Variants in PDE8B observed in about 807,000 individuals in gnomAD.
PDE8B encodes the protein high affinity cAMP-specific and IBMX-insensitive 3',5'-cyclic phosphodiesterase 8B.
PDE8B carries 26 observed loss-of-function variants against 101.3 expected under a neutral mutation model. The observed-to-expected ratio is 0.26, with a 90% CI of 0.19 to 0.36. The LOEUF (loss-of-function observed/expected upper bound fraction) is 0.36, where lower values mean the gene tolerates loss of function less well. PDE8B is among the 10% of genes least tolerant of loss of function. The pLI, the probability that PDE8B is intolerant of heterozygous loss-of-function variation, is 1.00. For synonymous variants in PDE8B, 424 were observed against 429.3 expected (o/e 0.99, Z 0.15); for missense variants, 810 against 1,163.1 (o/e 0.70, Z 4.42).
chr5:77,111,089 C>T, the PDE8B span, among the ~76,000 whole-genome samples: 1 of 152,296 alleles, frequency 6.6e-6, no homozygotes, highest in African/African-American at 2.4e-5. Context: ...GTCAAAAAAT[C>T]ACTTTGGTTG....
chr5:77,299,114 T>C (rs1769284312), intron 1 of PDE8B, among the ~76,000 whole-genome samples: 1 of 152,184 alleles, frequency 6.6e-6, no homozygotes, highest in African/African-American at 2.4e-5. Context: ...ATTGCCTGTC[T>C]TACACAAAGG....
chr5:77,329,035 A>G lies in PDE8B; in HGVS notation c.628A>G (p.Ile210Val). The change falls in exon 4 of 22, where the codon ATC becomes GTC. Residue 210 changes from isoleucine to valine, a missense_variant. Coordinates refer to ENST00000264917, the MANE Select transcript of PDE8B (RefSeq NM_003719.5). The part of the protein sequence containing the change: ...RATNPSEHTV[I>V]LAVVSRVSDD... ...CACAAATCCCTCCGAGCACACGGTGATCCTCGCAGTGGTTTCGCGAGTGTA... is the reference window on the plus strand; with the variant it reads ...CACAAATCCCTCCGAGCACACGGTGGTCCTCGCAGTGGTTTCGCGAGTGTA... 5 of 1,614,050 alleles carry G rather than the reference A, an allele frequency of 3.1e-6. No individual in the cohort carries two copies. Among genetic ancestry groups the G allele is most frequent in the Non-Finnish European group, 4.2e-6 (5 of 1,179,918 alleles).
intron 5 of PDE8B, among the ~76,000 whole-genome samples, chr5:77,334,957 C>T (rs1777849022): frequency 6.6e-6 from 1 of 152,222 alleles, no homozygotes; most frequent in Non-Finnish European, 1.5e-5. Context: ...ACTTTTGCAA[C>T]ATTGCATATT....
At chr5:77,135,848 A>C in the PDE8B span, among the ~76,000 whole-genome samples, 1 of 151,972 alleles carries the variant, frequency 6.6e-6, no homozygotes, top group East Asian at 1.9e-4. Flanking sequence ...CTGGCCTGCA[A>C]CGGTCCCTCA....
chr5:77,271,199 A>G (rs1196016391), intron 1 of PDE8B, among the ~76,000 whole-genome samples: 2 of 152,250 alleles, frequency 1.3e-5, no homozygotes, highest in Admixed American at 6.5e-5. Context: ...TCCAGGATCA[A>G]TGGTACATAT....
chr5:77,378,051 CCCT>C (rs1786617074), intron 10 of PDE8B, among the ~76,000 whole-genome samples: 1 of 148,494 alleles, frequency 6.7e-6, no homozygotes, highest in African/African-American at 2.5e-5. Context: ...CACACACACC[CCCT>C]GTTGGTTCTT....
At chr5:77,359,839 T>C (rs1204685909) in intron 10 of PDE8B, among the ~76,000 whole-genome samples, 1 of 152,148 alleles carries the variant, frequency 6.6e-6, no homozygotes, top group Non-Finnish European at 1.5e-5. Context: ...GGTTCACGCC[T>C]ATAATCCCAG....
chr5:77,392,846 C>T (rs1447497341), intron 10 of PDE8B, among the ~76,000 whole-genome samples: 1 of 152,202 alleles, frequency 6.6e-6, no homozygotes, highest in East Asian at 1.9e-4. Flanking sequence ...TTGGAATCAT[C>T]TCTAGTCTTA....
intron 1 of PDE8B, among the ~76,000 whole-genome samples, chr5:77,230,918 T>A (rs1461102157): frequency 6.6e-6 from 1 of 152,234 alleles, no homozygotes; most frequent in Non-Finnish European, 1.5e-5. Context: ...CAGGAGGTGC[T>A]GGTGAACACA....
chr5:77,166,573 G>A, the PDE8B span: 1 of 152,210 alleles, frequency 6.6e-6, no homozygotes, highest in African/African-American at 2.4e-5. Context: ...ATGTGCACGT[G>A]TGCAAGTGTG....
chr5:77,175,146 TG>T, the PDE8B span, among the ~76,000 whole-genome samples: 1 of 152,164 alleles, frequency 6.6e-6, no homozygotes, highest in Admixed American at 6.5e-5. Flanking sequence ...ATCCTGAACC[TG>T]ACCCTCTCTA....
At chr5:77,135,649 G>A in the PDE8B span, among the ~76,000 whole-genome samples, 1 of 151,904 alleles carries the variant, frequency 6.6e-6, no homozygotes, top group Non-Finnish European at 1.5e-5. Flanking sequence ...GCTAATTTTT[G>A]TATTTTTAGT....
At chr5:77,373,238 C>T (rs1230259398) in intron 10 of PDE8B, among the ~76,000 whole-genome samples, 5 of 152,078 alleles carry the variant, frequency 3.3e-5, no homozygotes, top group Admixed American at 6.6e-5. Flanking sequence ...TTATTTCCTG[C>T]ATCTCTTTTA....
intron 10 of PDE8B, among the ~76,000 whole-genome samples, chr5:77,370,201 T>C (rs1156378262): frequency 6.6e-6 from 1 of 152,216 alleles, no homozygotes; most frequent in Non-Finnish European, 1.5e-5. Flanking sequence ...AAATGGTAAG[T>C]GTACCTTTGT....
At chr5:77,351,254 G>A (rs1481040914) in intron 9 of PDE8B, 101 bp downstream of exon 9, 4 of 872,782 alleles carry the variant, frequency 4.6e-6, no homozygotes, top group African/African-American at 1.6e-5. Flanking sequence ...ATCCACAAAT[G>A]CAGTAGGGTT....
Position 77,210,809 on chromosome 5 carries a change from G to C in PDE8B, c.-117G>C. On this transcript the variant is annotated 5_prime_UTR_variant, in exon 1 of 22. Coordinates refer to ENST00000264917, the MANE Select transcript of PDE8B (RefSeq NM_003719.5). The surrounding 1 kb of genome is among the most constrained non-coding windows in gnomAD (Gnocchi z 4.9). ...CGACGGAGCGGCGGACACACAGGCCGGGGGGCGCGCAGTCCGGGCGCCGCC... is the reference window on the plus strand; with the variant it reads ...CGACGGAGCGGCGGACACACAGGCCCGGGGGCGCGCAGTCCGGGCGCCGCC... The C allele has an allele frequency of 2.0e-6, 2 of 984,556 alleles. No homozygotes were observed. The highest frequency in any genetic ancestry group is 2.4e-6 in the Non-Finnish European group (2 of 830,856). 61.0% of individuals were successfully genotyped at this position (984,556 alleles called of 1,614,324 possible).
the PDE8B span, among the ~76,000 whole-genome samples, chr5:77,137,642 C>T: frequency 6.6e-6 from 1 of 152,144 alleles, no homozygotes; most frequent in Non-Finnish European, 1.5e-5. Flanking sequence ...CCTCTGTGTA[C>T]CCTGCAGAAA....
At chr5:77,265,035 T>C (rs1282414156) in intron 1 of PDE8B, among the ~76,000 whole-genome samples, 1 of 152,212 alleles carries the variant, frequency 6.6e-6, no homozygotes, top group Non-Finnish European at 1.5e-5. Context: ...TTTGCCATCT[T>C]ATTCTGTCTT....
At chr5:77,096,144 C>G in the PDE8B span, among the ~76,000 whole-genome samples, 1 of 152,128 alleles carries the variant, frequency 6.6e-6, no homozygotes, top group Non-Finnish European at 1.5e-5. Context: ...CGCACGCTAC[C>G]ACACCCAGCG....
Sources: gnomAD v4.1 joint callset for allele counts (sites outside exome capture counted in the v4.1 genomes callset) on GRCh38, gnomAD v4.1.1 for gene constraint, Gnocchi (gnomAD v3.1) non-coding constraint, MANE v1.5 for transcripts, NCBI Gene and HGNC (gene_info 2026-07-23, HGNC 2026-07-21) for gene names.